The following CABIN1 variants were observed in gnomAD, a reference collection of about 807,000 sequenced individuals.
CABIN1 encodes calcineurin binding protein 1.
A neutral mutation model predicts 227.7 loss-of-function variants in CABIN1; 133 were observed. That is an observed-to-expected ratio of 0.58 (90% CI 0.51 to 0.67). CABIN1 has a LOEUF of 0.67. Among genes scored for constraint, CABIN1 ranks in the 30% least tolerant of loss-of-function variants. CABIN1 has a pLI of 0.00. For missense variants in CABIN1, 2,408 were observed against 2,852.5 expected (o/e 0.84, Z 3.55); for synonymous variants, 1,086 against 1,155.1 (o/e 0.94, Z 1.21).
chr22:24,106,081 C>T (rs901517588), intron 26 of CABIN1, among the ~76,000 whole-genome samples: 2 of 152,234 alleles, frequency 1.3e-5, no homozygotes, highest in African/African-American at 4.8e-5. Flanking sequence ...CCCCAGTTCA[C>T]TTGGGCAGCA....
At chr22:24,030,089 C>T (rs1186252518) in intron 1 of CABIN1, among the ~76,000 whole-genome samples, 1 of 152,142 alleles carries the variant, frequency 6.6e-6, no homozygotes, top group East Asian at 1.9e-4. Flanking sequence ...ATTTTGTTTT[C>T]TGCTTTATGG....
At chr22:24,062,571 C>T (rs1215615645) in intron 13 of CABIN1, among the ~76,000 whole-genome samples, 3 of 152,004 alleles carry the variant, frequency 2.0e-5, no homozygotes, top group Non-Finnish European at 2.9e-5. Context: ...GTTAGCCAGG[C>T]TGGTCTTGAA....
At chr22:24,080,039 A>G (rs1282009060) in intron 19 of CABIN1, among the ~76,000 whole-genome samples, 1 of 152,210 alleles carries the variant, frequency 6.6e-6, no homozygotes, top group East Asian at 1.9e-4. Flanking sequence ...AATTATGTAA[A>G]GATCTCCTTT....
At chr22:24,011,545 G>A (rs1440546042) in intron 1 of CABIN1, 178 bp downstream of exon 1, 1 of 152,270 alleles carries the variant, frequency 6.6e-6, no homozygotes, top group African/African-American at 2.4e-5. Context: ...CTTCCTGGCT[G>A]CCTCGCGAGC....
At chr22:24,071,751 A>G (rs36105054) in intron 17 of CABIN1, among the ~76,000 whole-genome samples, 1,592 of 152,126 alleles carry the variant, frequency 0.01, 17 homozygotes, top group Middle Eastern at 0.024. Context: ...TGTTCCCTCC[A>G]GGTTGTGTGT....
chr22:24,157,305 C>A (rs1418233051), intron 29 of CABIN1, among the ~76,000 whole-genome samples: 1 of 152,290 alleles, frequency 6.6e-6, no homozygotes, highest in Middle Eastern at 3.4e-3. Flanking sequence ...AGATAGGGAG[C>A]TGCTGGTCTG....
Position 24,091,772 on chromosome 22 carries a change from G to C in CABIN1, c.3715G>C (p.Glu1239Gln). ...CAGGCAGGCTGGCCACTACCTGCAC[G>C]AGGAGGCTGCCCGCTACCCCAAGAA... ...HYRQAGHYLHEEAARYPKKIH... is the reference protein window; with the variant it reads ...HYRQAGHYLHQEAARYPKKIH... Residue 1239 changes from glutamate to glutamine, a missense_variant, in exon 24 of 37, where the codon GAG (glutamate) becomes CAG (glutamine). By Grantham distance (29) the Glu-to-Gln change is conservative. This residue lies in a region of CABIN1 where 649 missense variants were observed against 910.3 expected (regional missense o/e 0.71). Coordinates refer to ENST00000263119, the MANE Select transcript of CABIN1 (RefSeq NM_012295.4). The C allele has an allele frequency of 6.2e-7, 1 of 1,613,926 alleles. No individual in the cohort carries two copies. Among genetic ancestry groups the C allele is most frequent in the Admixed American group, 1.7e-5 (1 of 60,026 alleles).
chr22:24,134,486 GA>G, intron 29 of CABIN1, 71 bp downstream of exon 29: 1 of 1,308,872 alleles, frequency 7.6e-7, no homozygotes, highest in South Asian at 1.2e-5. Flanking sequence ...CGCATGAATT[GA>G]CCCCCTAGGT....
At chr22:24,072,284 C>G in intron 17 of CABIN1, 70 bp from the exon 18 acceptor site, 1 of 1,577,066 alleles carries the variant, frequency 6.3e-7, no homozygotes, top group South Asian at 1.1e-5. Context: ...GGCCTCCTGC[C>G]TCCCTTCAGT....
At chr22:24,166,283 C>A (rs1178705173) in intron 31 of CABIN1, among the ~76,000 whole-genome samples, 1 of 152,228 alleles carries the variant, frequency 6.6e-6, no homozygotes, top group African/African-American at 2.4e-5. Flanking sequence ...ATGCCCAGAG[C>A]TGCCCGGAGT....
chr22:24,034,708 T>C (rs887146167), intron 1 of CABIN1, among the ~76,000 whole-genome samples: 1 of 152,234 alleles, frequency 6.6e-6, no homozygotes, highest in African/African-American at 2.4e-5. Context: ...GTTGCACCAG[T>C]TTACATTCCC....
intron 17 of CABIN1, among the ~76,000 whole-genome samples, chr22:24,071,448 G>T (rs190270711): frequency 6.6e-6 from 1 of 152,074 alleles, no homozygotes. Flanking sequence ...ACCCTGCATC[G>T]TCCAGGAAGT....
At chr22:24,014,525 C>A (rs762811344) in intron 1 of CABIN1, among the ~76,000 whole-genome samples, 10 of 151,226 alleles carry the variant, frequency 6.6e-5, no homozygotes, top group Non-Finnish European at 1.3e-4. Context: ...TTCTTTTTGT[C>A]TTTAGCCTAT....
At chr22:24,072,236 G>A (rs1380038105) in intron 17 of CABIN1, 118 bp from the exon 18 acceptor site, 1 of 981,276 alleles carries the variant, frequency 1.0e-6, no homozygotes, top group African/African-American at 1.6e-5. Context: ...CATCTGAGCA[G>A]TGGGGGTGGG....
At chr22:24,096,160 G>A (rs759288427) in intron 25 of CABIN1, 78 bp downstream of exon 25, 270 of 1,506,432 alleles carry the variant, frequency 1.8e-4, no homozygotes, top group Non-Finnish European at 2.3e-4. Context: ...GCAATGTGTT[G>A]TTCAGAGGGT....
chr22:24,033,475 A>C (rs1312982259), intron 1 of CABIN1, among the ~76,000 whole-genome samples: 1 of 152,156 alleles, frequency 6.6e-6, no homozygotes, highest in Non-Finnish European at 1.5e-5. Context: ...CAGTTATTTT[A>C]ATTGATAAAA....
In CABIN1 at chr22:24,113,495, T is replaced by C. The variant is rs9620356; in HGVS notation, c.4118-71T>C. 1.4e-4 allele frequency: 206 copies of C among 1,430,288 alleles called. 1 individual carries two copies. The African/African-American group carries it at 2.2e-3, about 15-fold the overall frequency. 88.6% of individuals were successfully genotyped at this position (1,430,288 alleles called of 1,614,324 possible). On this transcript the variant is annotated intron_variant, in intron 26 of 36. Coordinates refer to ENST00000263119, the MANE Select transcript of CABIN1 (RefSeq NM_012295.4). ...AGGCCACCGGCAGGGAGACTCACCA[T>C]AGGAAGGCCCCCTGTGTTGGAGGTG... is the stretch of plus-strand genomic sequence containing the variant.
chr22:24,039,090 G>A (rs1163334215), intron 4 of CABIN1, among the ~76,000 whole-genome samples: 1 of 152,186 alleles, frequency 6.6e-6, no homozygotes, highest in Non-Finnish European at 1.5e-5. Flanking sequence ...TGGAGGTTTG[G>A]GAATTGGTCC....
chr22:24,044,189 C>G (rs548880388), intron 6 of CABIN1, among the ~76,000 whole-genome samples: 2 of 152,274 alleles, frequency 1.3e-5, no homozygotes, highest in Middle Eastern at 3.4e-3. Context: ...GTAGCCCCAC[C>G]CTTTAAGGAA....
Sources: allele counts gnomAD v4.1 joint callset (sites outside exome capture counted in the v4.1 genomes callset), GRCh38; gene constraint gnomAD v4.1.1; regional missense constraint gnomAD v4.1.1; transcripts MANE v1.5; gene names NCBI Gene and HGNC (gene_info 2026-07-23, HGNC 2026-07-21).